DOK6: variants seen among roughly 807,000 people sequenced by gnomAD.
The protein encoded by DOK6 is downstream of tyrosine kinase 6.
DOK6 carries 22 observed loss-of-function variants against 44.0 expected under a neutral mutation model. The ratio of observed to expected loss-of-function variants is 0.50; its 90% CI spans 0.36 to 0.71. The LOEUF (loss-of-function observed/expected upper bound fraction) is 0.71, where lower values mean the gene tolerates loss of function less well. Among genes scored for constraint, DOK6 ranks in the 30% least tolerant of loss-of-function variants. The pLI is 0.00. For synonymous variants in DOK6, 166 were observed against 145.5 expected (o/e 1.14, Z -1.01); for missense variants, 340 against 416.4 (o/e 0.82, Z 1.60).
Position 69,655,505 on chromosome 18 carries a change from C to T in DOK6, c.290-22229C>T, listed in dbSNP as rs142025747. Reference sequence around the variant, plus strand: ...CGGTGGCTCACGCCTGTAATCCCAGCATGTTGGGAGGTCGAGGTGGGTGGA... The same window carrying T: ...CGGTGGCTCACGCCTGTAATCCCAGTATGTTGGGAGGTCGAGGTGGGTGGA... On this transcript the variant is annotated intron_variant, in intron 3 of 7. Transcript: ENST00000382713. Among the ~76,000 whole-genome samples, 562 of 152,026 alleles carry T rather than the reference C, an allele frequency of 3.7e-3. 5 individuals are homozygous for T. Among genetic ancestry groups the T allele is most frequent in the African/African-American group, 0.013 (523 of 41,504 alleles).
At chr18:69,768,260 T>C (rs759207715) in intron 7 of DOK6, among the ~76,000 whole-genome samples, 1 of 152,120 alleles carries the variant, frequency 6.6e-6, no homozygotes, top group Non-Finnish European at 1.5e-5. Context: ...CAAATGTTAA[T>C]ACAGACAGAT....
intron 7 of DOK6, among the ~76,000 whole-genome samples, chr18:69,791,615 T>C (rs927175708): frequency 6.6e-6 from 1 of 152,228 alleles, no homozygotes; most frequent in Non-Finnish European, 1.5e-5. Flanking sequence ...GATTTTTTTC[T>C]ATAGAGTTCT....
At chr18:69,608,309 A>G (rs914166865) in intron 3 of DOK6, among the ~76,000 whole-genome samples, 2 of 152,208 alleles carry the variant, frequency 1.3e-5, no homozygotes, top group African/African-American at 4.8e-5. Context: ...GTTAAAGATG[A>G]GTTGACTATA....
At chr18:69,819,746 A>ATAAG (rs1981512549) in intron 7 of DOK6, among the ~76,000 whole-genome samples, 1 of 152,168 alleles carries the variant, frequency 6.6e-6, no homozygotes, top group African/African-American at 2.4e-5. Context: ...GATACCTCAT[A>ATAAG]TAAGTGAAAT....
intron 1 of DOK6, among the ~76,000 whole-genome samples, chr18:69,470,956 A>G (rs1336928237): frequency 6.6e-6 from 1 of 152,146 alleles, no homozygotes; most frequent in Non-Finnish European, 1.5e-5. Flanking sequence ...AGGATTTTTT[A>G]AAGTGTGATG....
chr18:69,846,753 G>A lies in DOK6; in HGVS notation c.*5370G>A, dbSNP rs1037007910. On this transcript the variant is annotated 3_prime_UTR_variant, in exon 8 of 8. Transcript: ENST00000382713. ...TCTTTATCACTTTCTAGCACTTTAC[G>A]GTGTCATTATTTATGGCATTTTTAA... The A allele has an allele frequency of 1.3e-5, 2 of 152,000 alleles. No individual in the cohort carries two copies. Among genetic ancestry groups the A allele is most frequent in the African/African-American group, 2.4e-5 (1 of 41,380 alleles). The allele number at this position is 152,000 out of a possible 1,614,324, so 9.4% of individuals were successfully genotyped here.
rs774578754 is a variant in DOK6, at chr18:69,739,078, T to C, written c.713T>C (p.Met238Thr). Residue 238 changes from methionine to threonine, a missense_variant, in exon 6 of 8, where the codon ATG (methionine) becomes ACG (threonine). Around this residue, in one of 3 missense-constraint regions of DOK6, gnomAD observed 22 missense variants for 48.6 expected, o/e 0.45. Transcript: ENST00000382713. ...ATAGCTGAGCAACATGAAAGATTAA[T>C]GCTAGAAATGGAACAGAAGGCCCGG... ...LAIAEQHERLMLEMEQKARLQ... is the reference protein window; with the variant it reads ...LAIAEQHERLTLEMEQKARLQ... 12 of 1,614,074 alleles carry C rather than the reference T, an allele frequency of 7.4e-6. 1 individual carries two copies. The highest frequency in any genetic ancestry group is 5.5e-5 in the South Asian group (5 of 91,088).
Position 69,443,651 on chromosome 18 carries a change from G to A in DOK6, c.66+42341G>A, listed in dbSNP as rs549317932. 1.2e-4 allele frequency among the ~76,000 whole-genome samples: 18 copies of A among 152,192 alleles called. No individual in the cohort carries two copies. The East Asian group carries it at 1.7e-3, about 15-fold the overall frequency. ...GTGACTTCAAAACCATTCAGGAGCC[G>A]TCTCTTACTTGTATCTCCGGCATTT... On this transcript the variant is annotated intron_variant, in intron 1 of 7. Coordinates refer to ENST00000382713, the MANE Select transcript of DOK6 (RefSeq NM_152721.6).
chr18:69,767,519 T>G (rs1373868034), intron 7 of DOK6, among the ~76,000 whole-genome samples: 1 of 140,720 alleles, frequency 7.1e-6, no homozygotes. Flanking sequence ...ATGGAAGGAC[T>G]GTGTTTAGCT....
At chr18:69,810,830 C>A (rs969709223) in intron 7 of DOK6, among the ~76,000 whole-genome samples, 2 of 151,902 alleles carry the variant, frequency 1.3e-5, no homozygotes, top group Admixed American at 1.3e-4. Context: ...AGAAAAGGAA[C>A]CCCTTGCACA....
intron 1 of DOK6, among the ~76,000 whole-genome samples, chr18:69,551,706 TA>T (rs1982570080): frequency 6.6e-6 from 1 of 152,310 alleles, no homozygotes; most frequent in East Asian, 1.9e-4. Context: ...AAATCACTGT[TA>T]TTTTTCATCT....
rs576005785 is a variant in DOK6 at position 69,401,202 on chromosome 18, C to A, written c.-43C>A. 8.5e-6 allele frequency: 13 copies of A among 1,529,348 alleles called. No homozygotes were observed. In the African/African-American group the frequency reaches 1.6e-4, roughly 19 times the overall value. 94.7% of individuals were successfully genotyped at this position (1,529,348 alleles called of 1,614,324 possible). On this transcript the variant is annotated 5_prime_UTR_variant, in exon 1 of 8. Transcript: ENST00000382713. ...GGCGGCGGACGGCGGCTCTCGACTC[C>A]GGAGAGCGGATCGCGGGGCGCAGGA... is the stretch of plus-strand genomic sequence containing the variant.
chr18:69,587,076 A>G (rs919771756), intron 2 of DOK6, among the ~76,000 whole-genome samples: 3 of 152,212 alleles, frequency 2.0e-5, no homozygotes, highest in African/African-American at 4.8e-5. Flanking sequence ...TTTTACGTTC[A>G]TGTAATAACT....
At chr18:69,566,216 T>C (rs1035398562) in intron 2 of DOK6, among the ~76,000 whole-genome samples, 4 of 151,872 alleles carry the variant, frequency 2.6e-5, no homozygotes, top group African/African-American at 4.8e-5. Context: ...CGGCTCACTG[T>C]AAGCTCCGCC....
At chr18:69,614,325 A>G (rs560526290) in intron 3 of DOK6, among the ~76,000 whole-genome samples, 4 of 152,292 alleles carry the variant, frequency 2.6e-5, no homozygotes, top group South Asian at 4.1e-4. Flanking sequence ...AAAAAAAATC[A>G]TCCTTGAATT....
intron 2 of DOK6, among the ~76,000 whole-genome samples, chr18:69,570,261 A>G (rs1286238214): frequency 6.6e-6 from 1 of 152,158 alleles, no homozygotes; most frequent in East Asian, 1.9e-4. Flanking sequence ...GAAAAAAGAG[A>G]AATCTTAAAT....
chr18:69,757,860 C>G lies in DOK6; in HGVS notation c.843C>G (p.Ile281Met), dbSNP rs763201542. 1.3e-5 allele frequency: 21 copies of G among 1,613,916 alleles called. No individual in the cohort carries two copies. The highest frequency in any genetic ancestry group is 6.7e-5 in the African/African-American group (5 of 74,948). The change falls in exon 7 of 8, where the codon ATC becomes ATG. Residue 281 changes from isoleucine (I) to methionine (M), a missense_variant. Coordinates refer to ENST00000382713, the MANE Select transcript of DOK6 (RefSeq NM_152721.6). ...HITRQNSVGE[I>M]YSLQGHGFGS... ...CTCGTCAGAACAGCGTTGGTGAAAT[C>G]TACAGTTTGCAAGGCAAGTCACTTT...
intron 4 of DOK6, among the ~76,000 whole-genome samples, chr18:69,678,483 T>C (rs78562691): frequency 0.017 from 2,548 of 152,300 alleles, 86 homozygotes; most frequent in African/African-American, 0.058. Flanking sequence ...GAGTCTATAT[T>C]AACAGATTTG....
intron 1 of DOK6, among the ~76,000 whole-genome samples, chr18:69,556,867 A>C (rs1982700044): frequency 1.3e-5 from 2 of 152,248 alleles, no homozygotes; most frequent in Non-Finnish European, 2.9e-5. Flanking sequence ...CTGTGCACTG[A>C]CTACTTTTTT....
Sources: gnomAD v4.1 joint callset for allele counts (sites outside exome capture counted in the v4.1 genomes callset) on GRCh38, gnomAD v4.1.1 for gene constraint, gnomAD v4.1.1 regional missense constraint, MANE v1.5 for transcripts, NCBI Gene and HGNC (gene_info 2026-07-23, HGNC 2026-07-21) for gene names.